The following DMXL2 variants were observed in gnomAD, a reference collection of about 807,000 sequenced individuals.
DMXL2 encodes dmX-like protein 2.
DMXL2 carries 103 observed loss-of-function variants against 331.1 expected under a neutral mutation model. The ratio of observed to expected loss-of-function variants is 0.31; its 90% CI spans 0.27 to 0.37. The LOEUF is 0.37. Ranked by LOEUF, DMXL2 falls within the 10% of genes least tolerant of loss-of-function variation. The pLI, the probability that DMXL2 is intolerant of heterozygous loss-of-function variation, is 1.00. For synonymous variants in DMXL2, 1,281 were observed against 1,252.1 expected, an observed-to-expected ratio of 1.02 and a Z score of -0.49; for missense variants, 3,171 against 3,642.9, an observed-to-expected ratio of 0.87 and a Z score of 3.33.
rs753940120 is a variant in DMXL2 at position 51,545,626 on chromosome 15, G to A, written c.887C>T (p.Ser296Phe). The A allele has an allele frequency of 1.5e-5, 25 of 1,613,478 alleles. No homozygotes were observed. In the Admixed American group the frequency reaches 2.2e-4, roughly 14 times the overall value. ...TTTSSIASSL[S>F]HAGRHKDRIQ... Reference sequence around the variant, plus strand: ...TCTGTCTTTGTGTCTTCCAGCATGAGAAAGGCTGCTGGCAATGCTGGAAGT... The same window carrying A: ...TCTGTCTTTGTGTCTTCCAGCATGAAAAAGGCTGCTGGCAATGCTGGAAGT... Residue 296 changes from serine to phenylalanine, a missense_variant, in exon 8 of 44, where the codon TCT becomes TTT. Transcript: ENST00000560891.
chr15:51,551,923 G>C (rs1192648109), intron 6 of DMXL2, among the ~76,000 whole-genome samples: 5 of 152,182 alleles, frequency 3.3e-5, no homozygotes, highest in Non-Finnish European at 7.3e-5. Context: ...ATTTAATAAG[G>C]AGACTTGACC....
At chr15:51,578,030 G>A (rs1450370931) in intron 1 of DMXL2, among the ~76,000 whole-genome samples, 2 of 152,100 alleles carry the variant, frequency 1.3e-5, no homozygotes, top group Non-Finnish European at 2.9e-5. Context: ...GAGATGACTA[G>A]GTAAATTACT....
chr15:51,512,652 A>G (rs901916503), intron 15 of DMXL2, among the ~76,000 whole-genome samples: 5 of 152,104 alleles, frequency 3.3e-5, no homozygotes, highest in Non-Finnish European at 5.9e-5. Context: ...TCTAGTAATA[A>G]TACAAAAAAA....
chr15:51,574,948 T>C (rs1196284089), intron 2 of DMXL2, among the ~76,000 whole-genome samples: 2 of 152,174 alleles, frequency 1.3e-5, no homozygotes, highest in African/African-American at 4.8e-5. Context: ...TTGCTTGGCC[T>C]AGAGAGAAGA....
At chr15:51,599,995 G>A (rs12443007) in intron 1 of DMXL2, among the ~76,000 whole-genome samples, 72,130 of 151,626 alleles carry the variant, frequency 0.48, 17,534 homozygotes, top group Non-Finnish European at 0.52. Flanking sequence ...CATTGCACCC[G>A]GCTGCCTTCC....
intron 25 of DMXL2, among the ~76,000 whole-genome samples, chr15:51,479,664 G>A (rs956694239): frequency 2.6e-5 from 4 of 152,126 alleles, no homozygotes; most frequent in African/African-American, 9.7e-5. Flanking sequence ...GTTCATTTAA[G>A]GGGAATGGAG....
At chr15:51,609,882 A>G (rs1319577517) in intron 1 of DMXL2, among the ~76,000 whole-genome samples, 1 of 151,716 alleles carries the variant, frequency 6.6e-6, no homozygotes, top group Non-Finnish European at 1.5e-5. Context: ...GTGAGCAGAG[A>G]TTGCGCCATT....
Position 51,481,294 on chromosome 15 carries a change from A to C in DMXL2, c.5812T>G (p.Ser1938Ala). The change falls in exon 24 of 44, where the codon TCA becomes GCA. Residue 1938 changes from serine (S) to alanine (A), a missense_variant. Physicochemically the swap from Ser to Ala is moderately conservative, Grantham distance 99 (BLOSUM62 1). Coordinates refer to ENST00000560891, the MANE Select transcript of DMXL2 (RefSeq NM_001378457.1). ...CCATTGCCATCACTCAGAGCTTTTG[A>C]ATGTGAAGGTACATCATCCATCCTG... ...SHRMDDVPSHSKALSDGNGSS... is the reference protein window; with the variant it reads ...SHRMDDVPSHAKALSDGNGSS... 1.2e-6 allele frequency: 2 copies of C among 1,614,078 alleles called. No individual in the cohort carries two copies. The highest frequency in any genetic ancestry group is 1.7e-6 in the Non-Finnish European group (2 of 1,179,994).
At chr15:51,597,536 T>C (rs2052912857) in intron 1 of DMXL2, among the ~76,000 whole-genome samples, 1 of 152,218 alleles carries the variant, frequency 6.6e-6, no homozygotes, top group South Asian at 2.1e-4. Context: ...CCCTGGTATG[T>C]ACCACAATTT....
At chr15:51,458,957 C>G (rs2039892812) in intron 34 of DMXL2, 162 bp from the exon 35 acceptor site, 1 of 644,962 alleles carries the variant, frequency 1.6e-6, no homozygotes, top group Non-Finnish European at 2.6e-6. Context: ...GTGTTGAAAA[C>G]TAGCTTTGGA....
chr15:51,557,049 TA>T (rs55873332), intron 6 of DMXL2, among the ~76,000 whole-genome samples: 21 of 148,602 alleles, frequency 1.4e-4, no homozygotes, highest in Non-Finnish European at 7.5e-5. Context: ...ACACTGCAGT[TA>T]AAAAAAAAAG....
At chr15:51,457,239 A>C in intron 37 of DMXL2, 89 bp downstream of exon 37, 1 of 1,390,968 alleles carries the variant, frequency 7.2e-7, no homozygotes, top group Non-Finnish European at 9.8e-7. Flanking sequence ...TTTGTCCCTG[A>C]AATTTAGGAT....
intron 3 of DMXL2, among the ~76,000 whole-genome samples, chr15:51,565,638 C>T (rs75567122): frequency 0.012 from 1,761 of 152,290 alleles, 26 homozygotes; most frequent in East Asian, 0.026. Context: ...CACTAAATTG[C>T]AACTCTTCAA....
chr15:51,606,327 C>T (rs1439628428), intron 1 of DMXL2, among the ~76,000 whole-genome samples: 1 of 152,144 alleles, frequency 6.6e-6, no homozygotes, highest in Non-Finnish European at 1.5e-5. Context: ...TCTGCCTCAG[C>T]CTCCCGAGTA....
rs979011513 is a variant in DMXL2, at chr15:51,588,376, C to G, written c.88-12195G>C. On this transcript the variant is annotated intron_variant, in intron 1 of 43. Transcript: ENST00000560891. ...ATTTCACCATGTTGTCCAGGCTAGT[C>G]TCGAACTCCTGGGCTCAAGTGATCT... Among the ~76,000 whole-genome samples the G allele has an allele frequency of 2.6e-5, 4 of 152,072 alleles. No homozygotes were observed. In the East Asian group the frequency reaches 7.7e-4, roughly 29 times the overall value.
chr15:51,453,345 T>C (rs1402882010), intron 41 of DMXL2: 2 of 422,890 alleles, frequency 4.7e-6, no homozygotes, highest in Non-Finnish European at 8.3e-6. Context: ...AGCTTTAAAA[T>C]AAAAATTACA....
At position 51,491,344 on chromosome 15, in the gene DMXL2, G is replaced by C. The variant is rs541961386; in HGVS notation, c.4953+234C>G. On this transcript the variant is annotated intron_variant, in intron 20 of 43. Transcript: ENST00000560891. ...TAGTCCCAGTTACTCAGAAGGCTGA[G>C]GCAGGAAAATCGCTTGAACCCAGGA... is the stretch of plus-strand genomic sequence containing the variant. 5.3e-5 allele frequency among the ~76,000 whole-genome samples: 8 copies of C among 152,176 alleles called. No individual in the cohort carries two copies. In the East Asian group the frequency reaches 1.5e-3, roughly 29 times the overall value.
chr15:51,482,386 T>C (rs1033545947), intron 23 of DMXL2, among the ~76,000 whole-genome samples: 2 of 152,066 alleles, frequency 1.3e-5, no homozygotes, highest in Non-Finnish European at 2.9e-5. Flanking sequence ...GCCATGAGAA[T>C]CCAAACATTT....
In DMXL2 at chr15:51,451,664, G is replaced by A. The variant is rs377563440; in HGVS notation, c.8730C>T (p.Pro2910=). The change falls in exon 42 of 44, where the codon CCC becomes CCT. Residue 2910 remains proline (P), a synonymous_variant. Coordinates refer to ENST00000560891, the MANE Select transcript of DMXL2 (RefSeq NM_001378457.1). ...ACTCACCATGAATGAGGCTGTTTCC[G>A]GGTGATATTAATGTGTCCCAGAGGC... The part of the protein sequence containing the change: ...NVCLWDTLIS[P]GNSLIHGFTC... 18 of 1,612,424 alleles carry A rather than the reference G, an allele frequency of 1.1e-5. No homozygotes were observed. The highest frequency in any genetic ancestry group is 4.0e-5 in the African/African-American group (3 of 74,944).
Sources: gnomAD v4.1 joint callset for allele counts (sites outside exome capture counted in the v4.1 genomes callset) on GRCh38, gnomAD v4.1.1 for gene constraint, MANE v1.5 for transcripts, NCBI Gene and HGNC (gene_info 2026-07-23, HGNC 2026-07-21) for gene names.